Variants in TAS1R1 observed in about 807,000 individuals in gnomAD.
TAS1R1 encodes the protein taste receptor type 1 member 1.
In TAS1R1, 31 loss-of-function variants were observed where a neutral mutation model predicts 45.8. The ratio of observed to expected loss-of-function variants is 0.68; its 90% CI spans 0.51 to 0.91. The LOEUF (loss-of-function observed/expected upper bound fraction) is 0.91. TAS1R1 is among the 40% of genes least tolerant of loss of function. The pLI, the probability that TAS1R1 is intolerant of heterozygous loss-of-function variation, is 0.00. For missense variants in TAS1R1, 1,051 were observed against 1,063.9 expected (o/e 0.99, Z 0.17); for synonymous variants, 437 against 448.4 (o/e 0.97, Z 0.32).
chr1:6,576,890 C>G (rs1302626230), intron 4 of TAS1R1, 60 bp from the exon 5 acceptor site: 1 of 1,610,864 alleles, frequency 6.2e-7, no homozygotes, highest in African/African-American at 1.3e-5. Context: ...GTTTTCTGTT[C>G]CACATGTGAG....
In TAS1R1 at chr1:6,578,869, T is replaced by A. The variant is rs1486982969; in HGVS notation, c.1811T>A (p.Leu604Gln). The A allele has an allele frequency of 6.2e-7, 1 of 1,608,902 alleles. No individual in the cohort carries two copies. The highest frequency in any genetic ancestry group is 8.5e-7 in the Non-Finnish European group (1 of 1,176,272). The change falls in exon 6 of 6, where the codon CTG becomes CAG. Residue 604 changes from leucine to glutamine, a missense_variant. Transcript: ENST00000333172. ...GTGGTGAGGTCAGCAGGGGGCCGCC[T>A]GTGCTTTCTTATGCTGGGCTCCCTG... The part of the protein sequence containing the change: ...TPVVRSAGGR[L>Q]CFLMLGSLAA...
chr1:6,571,666 A>C (rs1640021210), intron 2 of TAS1R1, among the ~76,000 whole-genome samples: 1 of 152,192 alleles, frequency 6.6e-6, no homozygotes, highest in Non-Finnish European at 1.5e-5. Context: ...CTAAAAATAC[A>C]AAAGTTAGCT....
rs184940216 is a variant in TAS1R1, at chr1:6,577,093, G to A, written c.1594+23G>A. 1.1e-5 allele frequency: 18 copies of A among 1,614,006 alleles called. No individual in the cohort carries two copies. The East Asian group carries it at 1.3e-4, about 12-fold the overall frequency. On this transcript the variant is annotated intron_variant, in intron 5 of 5. Coordinates refer to ENST00000333172, the MANE Select transcript of TAS1R1 (RefSeq NM_138697.4). ...GTGGTGAGTGGGCAATGGAGCAGGC[G>A]AGCTACCCAGCACTCCCGGGGGCTG...
Position 6,579,369 on chromosome 1 carries a change from G to C in TAS1R1, c.2311G>C (p.Val771Leu). The change falls in exon 6 of 6, where the codon GTG becomes CTG. Residue 771 changes from valine (V) to leucine (L), a missense_variant. By Grantham distance (32) the Val-to-Leu change is conservative. Coordinates refer to ENST00000333172, the MANE Select transcript of TAS1R1 (RefSeq NM_138697.4). ...CVTFSLLFNF[V>L]SWIAFFTTAS... is the part of the protein sequence containing the mutation. ...CACCTTCAGCCTGCTCTTCAACTTC[G>C]TGTCCTGGATCGCCTTCTTCACCAC... The C allele has an allele frequency of 6.2e-7, 1 of 1,613,918 alleles. No individual in the cohort carries two copies. The highest frequency in any genetic ancestry group is 1.1e-5 in the South Asian group (1 of 91,086).
In TAS1R1 at chr1:6,570,952, A is replaced by G; in HGVS notation, c.235A>G (p.Met79Val). Residue 79 changes from methionine (M) to valine (V), a missense_variant, in exon 2 of 6, where the codon ATG becomes GTG. Met to Val is a conservative substitution (Grantham distance 21). Transcript: ENST00000333172. ...NEHGYHLFQA[M>V]RLGVEEINNS... ...GCATGGCTACCACCTCTTCCAGGCT[A>G]TGCGGCTTGGGGTTGAGGAGATAAA... is the stretch of plus-strand genomic sequence containing the variant. 2 of 1,612,714 alleles carry G rather than the reference A, an allele frequency of 1.2e-6. No homozygotes were observed. Among genetic ancestry groups the G allele is most frequent in the Non-Finnish European group, 1.7e-6 (2 of 1,179,290 alleles).
rs1361511329 is a variant in TAS1R1 at position 6,576,639 on chromosome 1, G to A, written c.1473+12G>A. On this transcript the variant is annotated intron_variant, in intron 4 of 5. Coordinates refer to ENST00000333172, the MANE Select transcript of TAS1R1 (RefSeq NM_138697.4). ...GAAAGGACAACCAGGTAATGGGGAT[G>A]TGGCTACTCACCATGTAACTGGCTT... The A allele has an allele frequency of 6.2e-7, 1 of 1,610,914 alleles. No homozygotes were observed. Among genetic ancestry groups the A allele is most frequent in the African/African-American group, 1.3e-5 (1 of 74,880 alleles).
chr1:6,570,308 AAAC>A (rs1056850848), intron 1 of TAS1R1, among the ~76,000 whole-genome samples: 5 of 152,082 alleles, frequency 3.3e-5, no homozygotes, highest in East Asian at 1.9e-4. Flanking sequence ...TTAGGGGAAA[AAAC>A]AACAGCTGGG....
At position 6,579,599 on chromosome 1, in the gene TAS1R1, G is replaced by C. The variant is rs1640329921; in HGVS notation, c.*15G>C. 1.3e-6 allele frequency: 2 copies of C among 1,586,594 alleles called. No individual in the cohort carries two copies. The highest frequency in any genetic ancestry group is 1.7e-6 in the Non-Finnish European group (2 of 1,169,526). ...GCTCCACCTGACCAGTGGGTCAGCAGGCACGGCTGGCAGCCTTCTCTGCCC... is the reference window on the plus strand; with the variant it reads ...GCTCCACCTGACCAGTGGGTCAGCACGCACGGCTGGCAGCCTTCTCTGCCC... On this transcript the variant is annotated 3_prime_UTR_variant, in exon 6 of 6. Transcript: ENST00000333172.
At chr1:6,578,465 C>G (rs1640248845) in intron 5 of TAS1R1, among the ~76,000 whole-genome samples, 188 bp from the exon 6 acceptor site, 1 of 151,968 alleles carries the variant, frequency 6.6e-6, no homozygotes. Flanking sequence ...TCTCCAGAGT[C>G]TGTAATTAAC....
chr1:6,560,447 G>A (rs886200296), intron 1 of TAS1R1, among the ~76,000 whole-genome samples: 5 of 152,218 alleles, frequency 3.3e-5, no homozygotes, highest in African/African-American at 1.2e-4. Flanking sequence ...GAGCAGGGGC[G>A]CCTAGGGGCT....
intron 1 of TAS1R1, among the ~76,000 whole-genome samples, chr1:6,568,734 C>A (rs1418424886): frequency 6.6e-6 from 1 of 152,086 alleles, no homozygotes; most frequent in Admixed American, 6.6e-5. Flanking sequence ...AGCAGCAGCT[C>A]CTACGGGCTT....
chr1:6,574,603 T>A lies in TAS1R1; in HGVS notation c.499-28T>A. ...CACTGGGGGGGCCTTCAGTGGAGAC[T>A]GAAATGGCTGAACGGGACCTCCCAT... On this transcript the variant is annotated intron_variant, in intron 2 of 5. Coordinates refer to ENST00000333172, the MANE Select transcript of TAS1R1 (RefSeq NM_138697.4). The surrounding 1 kb of genome is among the most constrained non-coding windows in gnomAD (Gnocchi z 4.3). The A allele has an allele frequency of 6.4e-7, 1 of 1,570,758 alleles. No homozygotes were observed. The highest frequency in any genetic ancestry group is 1.2e-5 in the South Asian group (1 of 82,664).
Position 6,574,491 on chromosome 1 carries a change from G to C in TAS1R1, c.499-140G>C, listed in dbSNP as rs970636680. The C allele has an allele frequency of 9.1e-7, 1 of 1,104,336 alleles. No homozygotes were observed. Among genetic ancestry groups the C allele is most frequent in the Non-Finnish European group, 1.3e-6 (1 of 797,668 alleles). 68.4% of individuals were successfully genotyped at this position (1,104,336 alleles called of 1,614,324 possible). A position where few individuals can be genotyped will look rare whatever the true frequency, so the allele number is the denominator to read the frequency against. On this transcript the variant is annotated intron_variant, in intron 2 of 5. Coordinates refer to ENST00000333172, the MANE Select transcript of TAS1R1 (RefSeq NM_138697.4). This position sits in a 1 kb window ranked among gnomAD's most constrained non-coding sequence, Gnocchi z 4.3. Reference sequence around the variant, plus strand: ...CAGAACCTGCCCCAGTGGAGCCTTCGCAGGTGATTTGTCAGTTTCACAGGC... The same window carrying C: ...CAGAACCTGCCCCAGTGGAGCCTTCCCAGGTGATTTGTCAGTTTCACAGGC...
intron 3 of TAS1R1, among the ~76,000 whole-genome samples, chr1:6,575,887 G>A (rs751440433): frequency 2.0e-5 from 3 of 151,902 alleles, no homozygotes; most frequent in Non-Finnish European, 2.9e-5. Flanking sequence ...GTAGAGACGG[G>A]GTTTCACCAT....
rs527532960 is a variant in TAS1R1, at chr1:6,561,426, C to T, written c.191+5862C>T. Among the ~76,000 whole-genome samples the T allele has an allele frequency of 7.9e-5, 12 of 152,212 alleles. No homozygotes were observed. The South Asian group carries it at 2.5e-3, about 32-fold the overall frequency. On this transcript the variant is annotated intron_variant, in intron 1 of 5. Transcript: ENST00000333172. ...GTGACGCTACTGCTAAAGAGTCTAT[C>T]TGGGGCCGGGCACGGTAGCTCATGC...
chr1:6,555,866 C>CTTCTT (rs1553185411), intron 1 of TAS1R1, among the ~76,000 whole-genome samples: 8 of 95,302 alleles, frequency 8.4e-5, no homozygotes, highest in African/African-American at 2.9e-4. Context: ...TTTCCCTCTT[C>CTTCTT]TTTTTTTTTT....
chr1:6,578,164 T>G (rs1365905599), intron 5 of TAS1R1, among the ~76,000 whole-genome samples: 2 of 152,224 alleles, frequency 1.3e-5, no homozygotes, highest in Non-Finnish European at 2.9e-5. Flanking sequence ...GGTCCTTAGT[T>G]GGTGTCCAGG....
intron 5 of TAS1R1, among the ~76,000 whole-genome samples, chr1:6,577,398 G>A (rs1032676804): frequency 6.6e-6 from 1 of 151,716 alleles, no homozygotes; most frequent in African/African-American, 2.4e-5. Context: ...AGCTGGGTGT[G>A]GTGGCGCGTG....
chr1:6,569,753 G>A (rs1002508047), intron 1 of TAS1R1, among the ~76,000 whole-genome samples: 8 of 152,166 alleles, frequency 5.3e-5, no homozygotes, highest in African/African-American at 1.9e-4. Flanking sequence ...AGGAACCGGA[G>A]GCCTGGAGGC....
Sources: gnomAD v4.1 joint callset for allele counts (sites outside exome capture counted in the v4.1 genomes callset) on GRCh38, gnomAD v4.1.1 for gene constraint, Gnocchi (gnomAD v3.1) non-coding constraint, MANE v1.5 for transcripts, NCBI Gene and HGNC (gene_info 2026-07-23, HGNC 2026-07-21) for gene names.